Variants in ABI1 observed in about 807,000 individuals in gnomAD.
ABI1 encodes the protein abl interactor 1, also known as Abelson interactor 1.
ABI1 carries 14 observed loss-of-function variants against 54.6 expected under a neutral mutation model. That is an observed-to-expected ratio of 0.26 (90% CI 0.17 to 0.40). The LOEUF is 0.40. Ranked by LOEUF, ABI1 falls within the 10% of genes least tolerant of loss-of-function variation. The pLI, the probability that ABI1 is intolerant of heterozygous loss-of-function variation, is 1.00. For synonymous variants in ABI1, 194 were observed against 209.3 expected (o/e 0.93, Z 0.63); for missense variants, 443 against 598.3 (o/e 0.74, Z 2.71).
chr10:26,837,018 G>C (rs570479245), intron 1 of ABI1, among the ~76,000 whole-genome samples: 3 of 152,264 alleles, frequency 2.0e-5, no homozygotes, highest in Non-Finnish European at 4.4e-5. Flanking sequence ...TTCTAAACTA[G>C]TCCAGTAATT....
chr10:26,770,571 T>G (rs750192274), intron 4 of ABI1: 1 of 701,586 alleles, frequency 1.4e-6, no homozygotes, highest in South Asian at 1.4e-5. Flanking sequence ...ACAGGTGAGA[T>G]GACTGGATTT....
At chr10:26,835,861 C>G (rs943693673) in intron 1 of ABI1, among the ~76,000 whole-genome samples, 12 of 150,608 alleles carry the variant, frequency 8.0e-5, no homozygotes, top group African/African-American at 2.9e-4. Flanking sequence ...ATCCTGGGCT[C>G]AAGGGATCCT....
intron 1 of ABI1, among the ~76,000 whole-genome samples, chr10:26,834,608 C>T (rs928833055): frequency 5.4e-5 from 8 of 147,114 alleles, no homozygotes; most frequent in East Asian, 2.0e-4. Flanking sequence ...AGAAGACATA[C>T]GAATGGCAAA....
chr10:26,839,514 A>G (rs550718882), intron 1 of ABI1, among the ~76,000 whole-genome samples: 2 of 152,078 alleles, frequency 1.3e-5, no homozygotes, highest in East Asian at 3.9e-4. Context: ...AAATAAGGGG[A>G]AAAAAAGGTA....
intron 2 of ABI1, among the ~76,000 whole-genome samples, chr10:26,791,450 T>C (rs1456854424): frequency 6.6e-6 from 1 of 152,222 alleles, no homozygotes; most frequent in African/African-American, 2.4e-5. Flanking sequence ...GTTACCTTGA[T>C]GCCAAGTCTT....
chr10:26,762,032 G>T (rs12416171), intron 7 of ABI1, among the ~76,000 whole-genome samples: 44,585 of 151,574 alleles, frequency 0.29, 6,888 homozygotes, highest in African/African-American at 0.37. Context: ...TTTAAGATGG[G>T]GTCTCACTCT....
At chr10:26,758,101 C>T (rs1838574807) in intron 8 of ABI1, among the ~76,000 whole-genome samples, 2 of 149,818 alleles carry the variant, frequency 1.3e-5, no homozygotes, top group Admixed American at 1.3e-4. Context: ...AAAACTTTCC[C>T]CTAGCTCTGC....
rs115069601 is a variant in ABI1, at chr10:26,758,957, C to T, written c.997+105G>A. ...TAAAACAAAAATAAACATGAAACAT[C>T]ATGGTTTTCAATTGTTGTCTATCAC... On this transcript the variant is annotated intron_variant, in intron 8 of 10. Coordinates refer to ENST00000376140, the MANE Select transcript of ABI1 (RefSeq NM_001012750.3). 9.8e-5 allele frequency: 113 copies of T among 1,147,478 alleles called. No homozygotes were observed. The African/African-American group carries it at 1.5e-3, about 15-fold the overall frequency. The allele number at this position is 1,147,478 out of a possible 1,614,324, so 71.1% of individuals were successfully genotyped here.
intron 1 of ABI1, among the ~76,000 whole-genome samples, chr10:26,847,293 A>C (rs372201586): frequency 6.6e-6 from 1 of 152,186 alleles, no homozygotes; most frequent in Non-Finnish European, 1.5e-5. Context: ...TAAAAGAATA[A>C]GAGTTATCAC....
At chr10:26,831,743 C>A (rs1246906813) in intron 1 of ABI1, among the ~76,000 whole-genome samples, 1 of 151,796 alleles carries the variant, frequency 6.6e-6, no homozygotes, top group African/African-American at 2.4e-5. Context: ...AAAAAAAATC[C>A]TACAACCTGG....
chr10:26,754,777 C>A (rs1838082043), intron 9 of ABI1, among the ~76,000 whole-genome samples: 1 of 152,286 alleles, frequency 6.6e-6, no homozygotes, highest in African/African-American at 2.4e-5. Flanking sequence ...CCATCAACAG[C>A]TTTTCTAGCA....
At position 26,850,050 on chromosome 10, in the gene ABI1, T is replaced by C. The variant is rs115985776; in HGVS notation, c.117+10697A>G. Among the ~76,000 whole-genome samples, 209 of 152,354 alleles carry C rather than the reference T, an allele frequency of 1.4e-3. 1 individual carries two copies. Among genetic ancestry groups the C allele is most frequent in the African/African-American group, 4.4e-3 (183 of 41,600 alleles). On this transcript the variant is annotated intron_variant, in intron 1 of 10. Coordinates refer to ENST00000376140, the MANE Select transcript of ABI1 (RefSeq NM_001012750.3). ...CAATTATGTGCACAGCCTATTACAA[T>C]AGTCCCCCTTTTTCCACTACACAAC...
rs112088541 is a variant in ABI1, at chr10:26,769,004, T to A, written c.579-12A>T. 4 of 1,569,708 alleles carry A rather than the reference T, an allele frequency of 2.5e-6. No homozygotes were observed. Among genetic ancestry groups the A allele is most frequent in the Non-Finnish European group, 2.6e-6 (3 of 1,160,688 alleles). Reference sequence around the variant, plus strand: ...AAGGAGTATTCCGTCTAAAGGAGCATAGTGGAGAAAGGAATAATGAATAAA... The same window carrying A: ...AAGGAGTATTCCGTCTAAAGGAGCAAAGTGGAGAAAGGAATAATGAATAAA... On this transcript the variant is annotated splice_polypyrimidine_tract_variant and intron_variant, in intron 5 of 10. Transcript: ENST00000376140.
At chr10:26,749,987 C>T (rs7078094) in intron 10 of ABI1, among the ~76,000 whole-genome samples, 15,619 of 152,196 alleles carry the variant, frequency 0.1, 983 homozygotes, top group East Asian at 0.19. Flanking sequence ...AAATATATTA[C>T]CCAATATATC....
chr10:26,792,203 C>T (rs577041366), intron 2 of ABI1, among the ~76,000 whole-genome samples: 81 of 152,194 alleles, frequency 5.3e-4, no homozygotes, highest in African/African-American at 1.7e-3. Context: ...TTAGTTTTAA[C>T]GATGGATTCA....
chr10:26,793,824 A>T (rs1165986173), intron 2 of ABI1, among the ~76,000 whole-genome samples: 2 of 152,212 alleles, frequency 1.3e-5, no homozygotes, highest in African/African-American at 4.8e-5. Flanking sequence ...CTTACCTAAC[A>T]ACTAACATTT....
At position 26,759,074 on chromosome 10, in the gene ABI1, A is replaced by T. The variant is rs754777797; in HGVS notation, c.985T>A (p.Ser329Thr). 1.9e-6 allele frequency: 3 copies of T among 1,613,164 alleles called. No individual in the cohort carries two copies. The highest frequency in any genetic ancestry group is 2.5e-6 in the Non-Finnish European group (3 of 1,179,692). The change falls in exon 8 of 11, where the codon TCT becomes ACT. Residue 329 changes from serine (S) to threonine (T), a missense_variant. Physicochemically the swap from Ser to Thr is moderately conservative, Grantham distance 58. This residue lies in a region of ABI1 where 394 missense variants were observed against 484.8 expected (regional missense o/e 0.81). Transcript: ENST00000376140. ...AGCACAAGCTTACTTGAATTTTGAG[A>T]ATAAAGTGGACCTCCATTAACATGA... ...QPHVNGGPLY[S>T]QNSISIAPPP...
intron 3 of ABI1, among the ~76,000 whole-genome samples, chr10:26,775,654 T>C (rs897848487): frequency 7.2e-5 from 11 of 152,336 alleles, no homozygotes; most frequent in Non-Finnish European, 1.3e-4. Context: ...AAAACTTCCT[T>C]GTAAAATTTG....
intron 2 of ABI1, among the ~76,000 whole-genome samples, chr10:26,778,276 G>T (rs566610592): frequency 9.2e-5 from 14 of 152,062 alleles, no homozygotes; most frequent in Non-Finnish European, 1.6e-4. Flanking sequence ...CAGCACATGA[G>T]AAATAATTAT....
Sources: allele counts gnomAD v4.1 joint callset (sites outside exome capture counted in the v4.1 genomes callset), GRCh38; gene constraint gnomAD v4.1.1; regional missense constraint gnomAD v4.1.1; transcripts MANE v1.5; gene names NCBI Gene and HGNC (gene_info 2026-07-23, HGNC 2026-07-21).